Variants in TRMT2A observed in about 807,000 individuals in gnomAD.
TRMT2A encodes the protein tRNA (uracil-5-)-methyltransferase homolog A.
In TRMT2A, 60 loss-of-function variants were observed where a neutral mutation model predicts 59.3. That is an observed-to-expected ratio of 1.01 (90% CI 0.82 to 1.26). The LOEUF is 1.26. Ranked by LOEUF, TRMT2A falls within the 50% of genes most tolerant of loss-of-function variation. The pLI, the probability that TRMT2A is intolerant of heterozygous loss-of-function variation, is 0.00. For missense variants in TRMT2A, 863 were observed against 845.2 expected, an observed-to-expected ratio of 1.02 and a Z score of -0.26; for synonymous variants, 403 against 353.7, an observed-to-expected ratio of 1.14 and a Z score of -1.56.
chr22:20,115,779 C>T lies in TRMT2A; in HGVS notation c.601G>A (p.Glu201Lys), dbSNP rs2049994391. The change falls in exon 3 of 12, where the codon GAA (glutamate) becomes AAA (lysine). Residue 201 changes from glutamate to lysine, a missense_variant and splice_region_variant. By Grantham distance (56) the Glu-to-Lys change is moderately conservative (BLOSUM62 1). Coordinates refer to ENST00000252136, the MANE Select transcript of TRMT2A (RefSeq NM_022727.6). ...CEQVLQKLAK[E>K]IGSTNRALLP... ...AAGGCACGGTTGGTGCTCCCGATTTCCCTGTAAGAGGAGCAGATCGGTGGT... is the reference window on the plus strand; with the variant it reads ...AAGGCACGGTTGGTGCTCCCGATTTTCCTGTAAGAGGAGCAGATCGGTGGT... 1 of 1,605,374 alleles carries T rather than the reference C, an allele frequency of 6.2e-7. No individual in the cohort carries two copies. Among genetic ancestry groups the T allele is most frequent in the East Asian group, 2.2e-5 (1 of 44,584 alleles).
In TRMT2A at chr22:20,116,029, C is replaced by G. The variant is rs777147622; in HGVS notation, c.599+9G>C. 7.8e-6 allele frequency: 12 copies of G among 1,546,708 alleles called. No homozygotes were observed. Among genetic ancestry groups the G allele is most frequent in the Non-Finnish European group, 1.0e-5 (12 of 1,143,860 alleles). ...CTGGCCAAGAGGGGCGTCTTGCGCCCACACTCACTTGGCAAGTTTCTGCAG... is the reference window on the plus strand; with the variant it reads ...CTGGCCAAGAGGGGCGTCTTGCGCCGACACTCACTTGGCAAGTTTCTGCAG... On this transcript the variant is annotated intron_variant, in intron 2 of 11. Transcript: ENST00000252136.
Position 20,117,001 on chromosome 22 carries a change from G to A in TRMT2A, c.-95C>T. ...TCACAAGGGAAGTGGCCTGTCACAA[G>A]GGAAGTGCTCAGAGGGGAGGTGCTC... On this transcript the variant is annotated 5_prime_UTR_variant, in exon 1 of 12. Coordinates refer to ENST00000252136, the MANE Select transcript of TRMT2A (RefSeq NM_022727.6). 5 of 1,503,260 alleles carry A rather than the reference G, an allele frequency of 3.3e-6. No homozygotes were observed. Among genetic ancestry groups the A allele is most frequent in the Non-Finnish European group, 3.6e-6 (4 of 1,105,402 alleles). 93.1% of individuals were successfully genotyped at this position (1,503,260 alleles called of 1,614,324 possible).
chr22:20,113,230 C>T lies in TRMT2A; in HGVS notation c.1437G>A (p.Leu479=), dbSNP rs151327560. 5.3e-5 allele frequency: 83 copies of T among 1,560,248 alleles called. No homozygotes were observed. In the African/African-American group the frequency reaches 1.0e-3, roughly 19 times the overall value. The change falls in exon 10 of 12, where the codon TTG becomes TTA. Residue 479 remains leucine (L), a synonymous_variant. Transcript: ENST00000252136. ...DARVNAQDNE[L]SNVEFHCGRA... ...TCCCGCAGTGGAACTCCACATTACT[C>T]AACTCTGAAGAGATGGCACCGTGGC...
Position 20,113,779 on chromosome 22 carries a change from G to A in TRMT2A, c.1263C>T (p.Tyr421=), listed in dbSNP as rs375782015. The A allele has an allele frequency of 3.3e-5, 53 of 1,601,242 alleles. No homozygotes were observed. Among genetic ancestry groups the A allele is most frequent in the Non-Finnish European group, 3.8e-5 (45 of 1,172,704 alleles). The change falls in exon 8 of 12, where the codon TAC becomes TAT. Residue 421 remains tyrosine, a synonymous_variant. Coordinates refer to ENST00000252136, the MANE Select transcript of TRMT2A (RefSeq NM_022727.6). ...ATTGGGCCCAGTCCTGGATGACTGTGTAGAGCACCTCGGCTGCGGGTGTGT... is the reference window on the plus strand; with the variant it reads ...ATTGGGCCCAGTCCTGGATGACTGTATAGAGCACCTCGGCTGCGGGTGTGT... The part of the protein sequence containing the change: ...QVNTPAAEVL[Y]TVIQDWAQLD...
rs146579566 is a variant in TRMT2A at position 20,113,766 on chromosome 22, C to A, written c.1276G>T (p.Asp426Tyr). 1.2e-6 allele frequency: 2 copies of A among 1,609,144 alleles called. No individual in the cohort carries two copies. Among genetic ancestry groups the A allele is most frequent in the African/African-American group, 2.7e-5 (2 of 74,864 alleles). The stretch of plus-strand genomic sequence containing the variant: ...CTCCCCGCATCCAATTGGGCCCAGT[C>A]CTGGATGACTGTGTAGAGCACCTCG... ...AAEVLYTVIQ[D>Y]WAQLDAGSMV... The change falls in exon 8 of 12, where the codon GAC (aspartate) becomes TAC (tyrosine). Residue 426 changes from aspartate (D) to tyrosine (Y), a missense_variant. Transcript: ENST00000252136.
Position 20,117,166 on chromosome 22 carries a change from G to A in TRMT2A, c.-260C>T. On this transcript the variant is annotated 5_prime_UTR_variant, in exon 1 of 12. Transcript: ENST00000252136. ...CGCCCGCCAGGGGCCCGCGCCGGCC[G>A]CTCGCTTCGCCAGCCACTCTTAGTC... 1 of 548,004 alleles carries A rather than the reference G, an allele frequency of 1.8e-6. No homozygotes were observed. The highest frequency in any genetic ancestry group is 3.1e-6 in the Non-Finnish European group (1 of 327,514). 33.9% of individuals were successfully genotyped at this position (548,004 alleles called of 1,614,324 possible).
chr22:20,113,594 C>T, intron 8 of TRMT2A, 87 bp from the exon 9 acceptor site: 1 of 1,605,872 alleles, frequency 6.2e-7, no homozygotes, highest in Non-Finnish European at 8.5e-7. Flanking sequence ...GGGCCTGGGG[C>T]ATGATGGAGT....
intron 3 of TRMT2A, 33 bp downstream of exon 3, chr22:20,115,639 T>A: frequency 6.2e-7 from 1 of 1,606,684 alleles, no homozygotes; most frequent in Middle Eastern, 1.7e-4. Context: ...AAACCCAGGA[T>A]AGGGGTTTGT....
At position 20,114,952 on chromosome 22, in the gene TRMT2A, C is replaced by A. The variant is rs747913448; in HGVS notation, c.1005+13G>T. ...GGCTAGGCACCCTCCCCCAGCAGGGCCCCCGTTGAGACCTGGGGGTGGAAG... is the reference window on the plus strand; with the variant it reads ...GGCTAGGCACCCTCCCCCAGCAGGGACCCCGTTGAGACCTGGGGGTGGAAG... On this transcript the variant is annotated intron_variant, in intron 5 of 11. Coordinates refer to ENST00000252136, the MANE Select transcript of TRMT2A (RefSeq NM_022727.6). 13 of 1,577,934 alleles carry A rather than the reference C, an allele frequency of 8.2e-6. No individual in the cohort carries two copies. The South Asian group carries it at 1.4e-4, about 17-fold the overall frequency.
intron 10 of TRMT2A, 51 bp from the exon 11 acceptor site, chr22:20,113,058 T>C (rs1246445183): frequency 1.9e-6 from 3 of 1,612,458 alleles, no homozygotes; most frequent in East Asian, 4.5e-5. Context: ...GTGCATAACA[T>C]GGTGAGCCAC....
chr22:20,114,977 G>A lies in TRMT2A; in HGVS notation c.993C>T (p.Tyr331=). 1 of 1,593,926 alleles carries A rather than the reference G, an allele frequency of 6.3e-7. No homozygotes were observed. Among genetic ancestry groups the A allele is most frequent in the South Asian group, 1.1e-5 (1 of 87,712 alleles). Residue 331 remains tyrosine, a synonymous_variant, in exon 5 of 12, where the codon TAC becomes TAT. Transcript: ENST00000252136. ...CCCCCGTTGAGACCTGGGGGTGGAA[G>A]TAGGCAATGGCCATGGCCTGGTGGC... is the stretch of plus-strand genomic sequence containing the variant. The part of the protein sequence containing the change: ...SRRHQAMAIA[Y]FHPQKLSPEE...
At position 20,112,419 on chromosome 22, in the gene TRMT2A, A is replaced by G; in HGVS notation, c.*144T>C. On this transcript the variant is annotated 3_prime_UTR_variant, in exon 12 of 12. Coordinates refer to ENST00000252136, the MANE Select transcript of TRMT2A (RefSeq NM_022727.6). ...TTCCTGGTCAGGGCCCCTGGCCCCT[A>G]GCAGCAGGCCAATCCTGGTGGGGCA... 8.9e-7 allele frequency: 1 copy of G among 1,121,942 alleles called. No homozygotes were observed. Among genetic ancestry groups the G allele is most frequent in the Non-Finnish European group, 1.2e-6 (1 of 802,820 alleles). The allele number at this position is 1,121,942 out of a possible 1,614,324, so 69.5% of individuals were successfully genotyped here.
chr22:20,114,307 C>T (rs1452986434), intron 7 of TRMT2A, among the ~76,000 whole-genome samples: 1 of 152,196 alleles, frequency 6.6e-6, no homozygotes, highest in Non-Finnish European at 1.5e-5. Context: ...TCCCTCCTGC[C>T]GAGCCCAGAG....
intron 7 of TRMT2A, among the ~76,000 whole-genome samples, chr22:20,114,114 C>T (rs573246374): frequency 1.3e-3 from 202 of 152,320 alleles, no homozygotes; most frequent in African/African-American, 4.3e-3. Flanking sequence ...GGGGCTTTGC[C>T]TCCCACAACT....
chr22:20,117,023 G>A lies in TRMT2A; in HGVS notation c.-117C>T. The A allele has an allele frequency of 7.3e-7, 1 of 1,362,280 alleles. No homozygotes were observed. Among genetic ancestry groups the A allele is most frequent in the South Asian group, 1.3e-5 (1 of 76,686 alleles). The allele number at this position is 1,362,280 out of a possible 1,614,324, so 84.4% of individuals were successfully genotyped here. A position where few individuals can be genotyped will look rare whatever the true frequency, so the allele number is the denominator to read the frequency against. ...CAAGGGAAGTGCTCAGAGGGGAGGT[G>A]CTCACAGAGCCGGTGCAACGCCGCG... On this transcript the variant is annotated 5_prime_UTR_variant, in exon 1 of 12. Transcript: ENST00000252136.
Position 20,117,128 on chromosome 22 carries a change from G to T in TRMT2A, c.-222C>A. The T allele has an allele frequency of 3.4e-6, 2 of 595,410 alleles. No individual in the cohort carries two copies. Among genetic ancestry groups the T allele is most frequent in the South Asian group, 2.5e-5 (1 of 39,524 alleles). The allele number at this position is 595,410 out of a possible 1,614,324, so 36.9% of individuals were successfully genotyped here. A position where few individuals can be genotyped will look rare whatever the true frequency, so the allele number is the denominator to read the frequency against. ...TGCTCAGGTCCGGGTCTCAGGCTTG[G>T]GGCTGTACCGCCCGCCCGCCAGGGG... On this transcript the variant is annotated 5_prime_UTR_variant, in exon 1 of 12. Coordinates refer to ENST00000252136, the MANE Select transcript of TRMT2A (RefSeq NM_022727.6).
At chr22:20,113,896 C>T (rs2049925842) in intron 7 of TRMT2A, 88 bp from the exon 8 acceptor site, 4 of 1,436,144 alleles carry the variant, frequency 2.8e-6, no homozygotes, top group Admixed American at 2.8e-5. Flanking sequence ...GTCCCTCCAT[C>T]CTGCCGGGAC....
intron 3 of TRMT2A, 35 bp downstream of exon 3, chr22:20,115,637 G>A (rs367852425): frequency 8.7e-6 from 14 of 1,607,020 alleles, no homozygotes; most frequent in Non-Finnish European, 1.2e-5. Flanking sequence ...CAAAACCCAG[G>A]ATAGGGGTTT....
rs765173565 is a variant in TRMT2A, at chr22:20,113,149, C to T, written c.1518G>A (p.Val506=). The change falls in exon 10 of 12, where the codon GTG becomes GTA. Residue 506 remains valine (V), a synonymous_variant. Coordinates refer to ENST00000252136, the MANE Select transcript of TRMT2A (RefSeq NM_022727.6). ...LVSRLASQHL[V]AILDPPRAGL... is the part of the protein sequence containing the mutation. ...CAGCACGGGGTGGGTCCAGGATGGC[C>T]ACGAGGTGCTGGGAGGCCAGTCTGC... 2.5e-6 allele frequency: 4 copies of T among 1,600,438 alleles called. No individual in the cohort carries two copies. Among genetic ancestry groups the T allele is most frequent in the South Asian group, 2.2e-5 (2 of 89,510 alleles).
Sources: gnomAD v4.1 joint callset for allele counts (sites outside exome capture counted in the v4.1 genomes callset) on GRCh38, gnomAD v4.1.1 for gene constraint, MANE v1.5 for transcripts, NCBI Gene and HGNC (gene_info 2026-07-23, HGNC 2026-07-21) for gene names.